The following CADM2 variants were observed in gnomAD, a reference collection of about 807,000 sequenced individuals.
The protein encoded by CADM2 is cell adhesion molecule 2.
Under a neutral mutation model 49.8 loss-of-function variants are expected in CADM2, and 12 were observed. The ratio of observed to expected loss-of-function variants is 0.24; its 90% CI spans 0.15 to 0.39. The LOEUF is 0.39. Among genes scored for constraint, CADM2 ranks in the 10% least tolerant of loss-of-function variants. The probability of loss-of-function intolerance (pLI) is 1.00; values close to 1 mark genes in which losing one functional copy is unlikely to be tolerated. For missense variants in CADM2, 378 were observed against 492.3 expected (o/e 0.77, Z 2.20); for synonymous variants, 214 against 175.4 (o/e 1.22, Z -1.74).
chr3:86,005,568 A>AAT (rs1323704460), intron 8 of CADM2, among the ~76,000 whole-genome samples: 1 of 151,996 alleles, frequency 6.6e-6, no homozygotes, highest in Admixed American at 6.5e-5. Context: ...AAAAAAAAAA[A>AAT]AAGTGAGCAT....
chr3:85,586,984 CCAAA>C (rs2062962518), intron 1 of CADM2, among the ~76,000 whole-genome samples: 2 of 151,906 alleles, frequency 1.3e-5, no homozygotes, highest in Admixed American at 6.6e-5. Flanking sequence ...ACATGGAAGG[CCAAA>C]CAAAGAAGAA....
intron 2 of CADM2, among the ~76,000 whole-genome samples, chr3:85,783,989 G>A (rs2070813563): frequency 6.6e-6 from 1 of 152,142 alleles, no homozygotes; most frequent in Non-Finnish European, 1.5e-5. Flanking sequence ...AGCCTCAAAT[G>A]TGAGCTTAAT....
chr3:85,246,628 C>CAA (rs1559741031), intron 1 of CADM2, among the ~76,000 whole-genome samples: 7 of 151,976 alleles, frequency 4.6e-5, no homozygotes, highest in African/African-American at 1.7e-4. Context: ...TAGGAATAGT[C>CAA]TCTTTAATAA....
chr3:85,581,786 G>A (rs2062806149), intron 1 of CADM2, among the ~76,000 whole-genome samples: 1 of 150,668 alleles, frequency 6.6e-6, no homozygotes, highest in Admixed American at 6.6e-5. Context: ...GACATTATCA[G>A]ACATCTTAAG....
At chr3:85,652,317 G>A (rs1182159923) in intron 1 of CADM2, among the ~76,000 whole-genome samples, 1 of 152,134 alleles carries the variant, frequency 6.6e-6, no homozygotes, top group South Asian at 2.1e-4. Context: ...TAGTTGTCTT[G>A]CATCATAACA....
chr3:85,429,891 A>AT (rs1174850565), intron 1 of CADM2, among the ~76,000 whole-genome samples: 1 of 152,172 alleles, frequency 6.6e-6, no homozygotes, highest in Admixed American at 6.5e-5. Context: ...ATAGTTGCTC[A>AT]TTTTGTTTCA....
intron 6 of CADM2, among the ~76,000 whole-genome samples, chr3:85,917,095 A>C (rs1408628362): frequency 6.6e-6 from 1 of 152,036 alleles, no homozygotes; most frequent in Non-Finnish European, 1.5e-5. Flanking sequence ...AGGCTGCAAA[A>C]ATTTTCTTCC....
At chr3:85,122,998 T>A (rs1239479109) in intron 1 of CADM2, among the ~76,000 whole-genome samples, 1 of 152,146 alleles carries the variant, frequency 6.6e-6, no homozygotes. Flanking sequence ...TAATATGACA[T>A]ATTTAAATGT....
intron 1 of CADM2, among the ~76,000 whole-genome samples, chr3:85,331,339 T>A (rs1004620853): frequency 8.3e-6 from 1 of 120,252 alleles, no homozygotes; most frequent in Admixed American, 7.7e-5. Context: ...AATTTATTCA[T>A]TTTTTTTAGC....
At chr3:84,991,902 G>A (rs77942331) in intron 1 of CADM2, among the ~76,000 whole-genome samples, 7,084 of 152,210 alleles carry the variant, frequency 0.047, 213 homozygotes, top group African/African-American at 0.074. Context: ...ATCTGAAAAG[G>A]CTACACATTG....
intron 1 of CADM2, among the ~76,000 whole-genome samples, chr3:85,089,227 G>A (rs927408397): frequency 6.6e-6 from 1 of 151,962 alleles, no homozygotes; most frequent in African/African-American, 2.4e-5. Context: ...TGAAAATGTG[G>A]TTAGTTCTTC....
chr3:85,385,484 G>A (rs2034169881), intron 1 of CADM2, among the ~76,000 whole-genome samples: 1 of 152,034 alleles, frequency 6.6e-6, no homozygotes, highest in Non-Finnish European at 1.5e-5. Flanking sequence ...TCATGGATAT[G>A]TTTTGGTAAA....
At chr3:86,033,561 T>A (rs1734790599) in intron 8 of CADM2, among the ~76,000 whole-genome samples, 1 of 151,214 alleles carries the variant, frequency 6.6e-6, no homozygotes, top group Non-Finnish European at 1.5e-5. Flanking sequence ...GTTCTACACT[T>A]GTGTTCTGTG....
intron 1 of CADM2, among the ~76,000 whole-genome samples, chr3:85,318,553 A>T (rs1343735306): frequency 6.6e-6 from 1 of 152,224 alleles, no homozygotes; most frequent in East Asian, 1.9e-4. Context: ...TTACCTACAA[A>T]GAAACAAGGT....
intron 1 of CADM2, among the ~76,000 whole-genome samples, chr3:85,593,032 C>T (rs990024046): frequency 6.6e-5 from 10 of 151,916 alleles, no homozygotes; most frequent in Non-Finnish European, 1.0e-4. Flanking sequence ...TAAGTGCTTT[C>T]CCAGTGGCCA....
intron 8 of CADM2, among the ~76,000 whole-genome samples, chr3:86,015,740 G>A (rs980238143): frequency 6.6e-5 from 10 of 152,146 alleles, no homozygotes; most frequent in African/African-American, 2.4e-4. Context: ...CCTTTGTGGA[G>A]CCTACATCTT....
chr3:86,067,187 G>A lies in CADM2; in HGVS notation c.*404G>A, dbSNP rs1183502292. The stretch of plus-strand genomic sequence containing the variant: ...GTTTGCCATTGGACAGCTTTCACAA[G>A]TAACAGGATTAGGGAAGGACATAAT... On this transcript the variant is annotated 3_prime_UTR_variant, in exon 10 of 10. Coordinates refer to ENST00000383699, the MANE Select transcript of CADM2 (RefSeq NM_001167675.2). 3 of 159,368 alleles carry A rather than the reference G, an allele frequency of 1.9e-5. No individual in the cohort carries two copies. Among genetic ancestry groups the A allele is most frequent in the African/African-American group, 7.2e-5 (3 of 41,514 alleles). 9.9% of individuals were successfully genotyped at this position (159,368 alleles called of 1,614,324 possible).
chr3:85,168,617 G>A (rs932626783), intron 1 of CADM2, among the ~76,000 whole-genome samples: 1 of 152,104 alleles, frequency 6.6e-6, no homozygotes, highest in South Asian at 2.1e-4. Flanking sequence ...CTTTAAAACA[G>A]TGTCTTTTGC....
chr3:85,072,835 A>G (rs2036808645), intron 1 of CADM2, among the ~76,000 whole-genome samples: 1 of 152,096 alleles, frequency 6.6e-6, no homozygotes, highest in African/African-American at 2.4e-5. Flanking sequence ...TGATTACCTT[A>G]AAAATGCAGA....
Sources: allele counts gnomAD v4.1 joint callset (sites outside exome capture counted in the v4.1 genomes callset), GRCh38; gene constraint gnomAD v4.1.1; transcripts MANE v1.5; gene names NCBI Gene and HGNC (gene_info 2026-07-23, HGNC 2026-07-21).